Variants in FAF1 observed in about 807,000 individuals in gnomAD.
FAF1 encodes the protein Fas associated factor 1, also known as FAS-associated factor 1.
Under a neutral mutation model 92.5 loss-of-function variants are expected in FAF1, and 25 were observed. The ratio of observed to expected loss-of-function variants is 0.27; its 90% CI spans 0.20 to 0.38. FAF1 has a LOEUF of 0.38. Among genes scored for constraint, FAF1 ranks in the 10% least tolerant of loss-of-function variants. FAF1 has a pLI of 1.00. For missense variants in FAF1, 636 were observed against 793.3 expected, an observed-to-expected ratio of 0.80 and a Z score of 2.38; for synonymous variants, 234 against 273.2, an observed-to-expected ratio of 0.86 and a Z score of 1.42.
At chr1:50,820,466 T>C (rs1439389637) in intron 2 of FAF1, among the ~76,000 whole-genome samples, 1 of 152,210 alleles carries the variant, frequency 6.6e-6, no homozygotes, top group African/African-American at 2.4e-5. Context: ...CTACACTTAG[T>C]TACCTTTTGT....
At chr1:50,523,592 G>T (rs572383025) in intron 15 of FAF1, among the ~76,000 whole-genome samples, 3 of 152,038 alleles carry the variant, frequency 2.0e-5, no homozygotes, top group Admixed American at 1.3e-4. Flanking sequence ...GTCTTTTGCC[G>T]ATTTTTTAAT....
At chr1:50,575,530 G>A (rs1044537360) in intron 12 of FAF1, among the ~76,000 whole-genome samples, 3 of 151,976 alleles carry the variant, frequency 2.0e-5, no homozygotes, top group Admixed American at 6.6e-5. Context: ...ATTATGTGGT[G>A]TCATTTTCTA....
chr1:50,758,128 G>C (rs1660154064), intron 4 of FAF1, among the ~76,000 whole-genome samples: 1 of 152,178 alleles, frequency 6.6e-6, no homozygotes, highest in South Asian at 2.1e-4. Flanking sequence ...ATATTGGCCA[G>C]GCTGGTCTCA....
At chr1:50,725,195 T>A (rs983534483) in intron 6 of FAF1, among the ~76,000 whole-genome samples, 1 of 152,176 alleles carries the variant, frequency 6.6e-6, no homozygotes, top group African/African-American at 2.4e-5. Context: ...AAAGGAAGGA[T>A]GAGTGGCATT....
chr1:50,484,500 A>C (rs12117318), intron 17 of FAF1, among the ~76,000 whole-genome samples: 7,306 of 152,232 alleles, frequency 0.048, 211 homozygotes, highest in East Asian at 0.075. Flanking sequence ...ATTGGCACCT[A>C]CCTTATTGAA....
At chr1:50,847,533 T>C (rs1644312509) in intron 2 of FAF1, among the ~76,000 whole-genome samples, 1 of 150,594 alleles carries the variant, frequency 6.6e-6, no homozygotes, top group South Asian at 2.1e-4. Context: ...CTATAGAAAT[T>C]ACTAGAGCTA....
chr1:50,734,858 T>A (rs537246715), intron 6 of FAF1, among the ~76,000 whole-genome samples: 4 of 152,040 alleles, frequency 2.6e-5, no homozygotes, highest in Non-Finnish European at 5.9e-5. Flanking sequence ...AGTTGCTAAA[T>A]AGAGATTTGT....
rs940653754 is a variant in FAF1 at position 50,607,013 on chromosome 1, C to CAAACAAAT, written c.745-10805_745-10798dup. 53 of 152,090 alleles carry CAAACAAAT rather than the reference C, an allele frequency of 3.5e-4. 1 individual carries two copies. Among genetic ancestry groups the CAAACAAAT allele is most frequent in the African/African-American group, 1.3e-3 (53 of 41,394 alleles). 9.4% of individuals were successfully genotyped at this position (152,090 alleles called of 1,614,324 possible). On this transcript the variant is annotated intron_variant, in intron 8 of 18. Transcript: ENST00000396153. ...AATAACAACAACAAAAACAAACAAA[C>CAAACAAAT]AAACAAATGAAAAACTAAAAAGGTA... is the stretch of plus-strand genomic sequence containing the variant.
rs1644651416 is a variant in FAF1, at chr1:50,885,324, A to ACACACACACACACACACACTCT, written c.46-27328_46-27327insAGAGTGTGTGTGTGTGTGTGTG. ...CTCTCTCTCTCTCTCACACACACAC[A>ACACACACACACACACACACTCT]CTCTCTCTCTCTCTCTCTCAATATT... On this transcript the variant is annotated intron_variant, in intron 1 of 18. Transcript: ENST00000396153. Among the ~76,000 whole-genome samples, 850 of 102,220 alleles carry ACACACACACACACACACACTCT rather than the reference A, an allele frequency of 8.3e-3. 10 individuals carry two copies. The highest frequency in any genetic ancestry group is 0.029 in the African/African-American group (816 of 28,274). The allele number at this position is 102,220 out of a possible 152,430, so 67.1% of individuals were successfully genotyped here. A position where few individuals can be genotyped will look rare whatever the true frequency, so the allele number is the denominator to read the frequency against.
intron 12 of FAF1, among the ~76,000 whole-genome samples, chr1:50,579,762 G>A (rs1350212705): frequency 1.3e-5 from 2 of 151,868 alleles, no homozygotes; most frequent in Admixed American, 6.6e-5. Flanking sequence ...ACGCCAGGAG[G>A]AAAAAATGGG....
intron 15 of FAF1, among the ~76,000 whole-genome samples, chr1:50,493,588 T>A (rs1004196370): frequency 6.6e-6 from 1 of 152,194 alleles, no homozygotes; most frequent in Non-Finnish European, 1.5e-5. Context: ...AATTATCACA[T>A]AATTATTTAT....
intron 8 of FAF1, among the ~76,000 whole-genome samples, chr1:50,621,044 C>T (rs1569599584): frequency 1.3e-5 from 2 of 152,260 alleles, no homozygotes; most frequent in Admixed American, 1.3e-4. Context: ...CACCCTGCTC[C>T]TACCCTAGTT....
chr1:50,449,221 G>A (rs1646264260), intron 18 of FAF1, among the ~76,000 whole-genome samples: 1 of 152,020 alleles, frequency 6.6e-6, no homozygotes, highest in Non-Finnish European at 1.5e-5. Context: ...TCCTAAGATT[G>A]GATTCATTTA....
In FAF1 at chr1:50,497,540, C is replaced by CTT. The variant is rs61258960; in HGVS notation, c.1495-5741_1495-5740dup. 2.1e-3 allele frequency among the ~76,000 whole-genome samples: 209 copies of CTT among 100,556 alleles called. 8 individuals are homozygous for CTT. The highest frequency in any genetic ancestry group is 2.7e-3 in the South Asian group (7 of 2,632). The allele number at this position is 100,556 out of a possible 152,430, so 66.0% of individuals were successfully genotyped here. A position where few individuals can be genotyped will look rare whatever the true frequency, so the allele number is the denominator to read the frequency against. The stretch of plus-strand genomic sequence containing the variant: ...TTAATAGACTTTATTATTCAAAACT[C>CTT]TTTTTTTTTTTTTTTTTTTTTTTTT... On this transcript the variant is annotated intron_variant, in intron 15 of 18. Coordinates refer to ENST00000396153, the MANE Select transcript of FAF1 (RefSeq NM_007051.3).
chr1:50,454,547 T>A (rs894595143), intron 18 of FAF1, among the ~76,000 whole-genome samples: 5 of 152,230 alleles, frequency 3.3e-5, no homozygotes, highest in African/African-American at 1.2e-4. Context: ...CATATGCCTA[T>A]CCCATTATCC....
At chr1:50,861,416 T>G (rs1644431427) in intron 1 of FAF1, among the ~76,000 whole-genome samples, 1 of 151,764 alleles carries the variant, frequency 6.6e-6, no homozygotes, top group South Asian at 2.1e-4. Context: ...CATGGATGAA[T>G]CTGGAGGCCA....
At chr1:50,658,350 T>C (rs1655219491) in intron 7 of FAF1, among the ~76,000 whole-genome samples, 1 of 152,182 alleles carries the variant, frequency 6.6e-6, no homozygotes, top group Non-Finnish European at 1.5e-5. Flanking sequence ...AAAGCTACCC[T>C]AGCATTGTAA....
intron 8 of FAF1, among the ~76,000 whole-genome samples, chr1:50,645,590 G>A (rs1037448549): frequency 1.3e-5 from 2 of 152,154 alleles, no homozygotes; most frequent in South Asian, 2.1e-4. Context: ...TGGGGAGGCC[G>A]AAGGCGGGGA....
At chr1:50,912,622 G>A (rs1644893789) in intron 1 of FAF1, among the ~76,000 whole-genome samples, 1 of 152,144 alleles carries the variant, frequency 6.6e-6, no homozygotes, top group Non-Finnish European at 1.5e-5. Context: ...AATTGGCAGT[G>A]TGTACTCAGA....
Sources: gnomAD v4.1 joint callset for allele counts (sites outside exome capture counted in the v4.1 genomes callset) on GRCh38, gnomAD v4.1.1 for gene constraint, MANE v1.5 for transcripts, NCBI Gene and HGNC (gene_info 2026-07-23, HGNC 2026-07-21) for gene names.